Variants in ENOX1 observed in about 807,000 individuals in gnomAD.
ENOX1 encodes the protein ecto-NOX disulfide-thiol exchanger 1, also known as candidate growth-related and time keeping constitutive hydroquinone (NADH) oxidase.
In ENOX1, 42 loss-of-function variants were observed where a neutral mutation model predicts 82.5. That is an observed-to-expected ratio of 0.51 (90% CI 0.40 to 0.66). ENOX1 has a LOEUF of 0.66. ENOX1 is among the 30% of genes least tolerant of loss of function. The probability of loss-of-function intolerance (pLI) is 0.00; values close to 1 mark genes in which losing one functional copy is unlikely to be tolerated. For synonymous variants in ENOX1, 271 were observed against 282.2 expected (o/e 0.96, Z 0.40); for missense variants, 608 against 811.6 (o/e 0.75, Z 3.05).
intron 3 of ENOX1, among the ~76,000 whole-genome samples, chr13:43,424,649 G>C (rs2055178747): frequency 6.6e-6 from 1 of 152,214 alleles, no homozygotes; most frequent in Non-Finnish European, 1.5e-5. Flanking sequence ...GGGAGCGTTA[G>C]CAGAACACAC....
chr13:43,616,166 C>CTATAGATATATAGA lies in ENOX1; in HGVS notation c.-219+51312_-219+51313insTCTATATATCTATA, dbSNP rs1566641724. Among the ~76,000 whole-genome samples the CTATAGATATATAGA allele has an allele frequency of 7.6e-4, 7 of 9,260 alleles. 1 individual carries two copies. Among genetic ancestry groups the CTATAGATATATAGA allele is most frequent in the African/African-American group, 1.1e-3 (5 of 4,696 alleles). The allele number at this position is 9,260 out of a possible 152,430, so 6.1% of individuals were successfully genotyped here. A position where few individuals can be genotyped will look rare whatever the true frequency, so the allele number is the denominator to read the frequency against. Reference sequence around the variant, plus strand: ...GATATCTATATAGATAGATATCTATCTATCTATCTATCTATCTATCTATAT... The same window carrying CTATAGATATATAGA: ...GATATCTATATAGATAGATATCTATCTATAGATATATAGATATCTATCTATCTATCTATCTATAT... On this transcript the variant is annotated intron_variant, in intron 2 of 16. Coordinates refer to ENST00000690772, the MANE Select transcript of ENOX1 (RefSeq NM_001347969.2).
chr13:43,439,309 T>C (rs1024861768), intron 3 of ENOX1, among the ~76,000 whole-genome samples: 2 of 151,958 alleles, frequency 1.3e-5, no homozygotes, highest in East Asian at 3.9e-4. Flanking sequence ...CTTGGCTCAC[T>C]GCAACCTCTG....
chr13:43,333,981 A>C (rs1039773697), intron 9 of ENOX1, among the ~76,000 whole-genome samples: 5 of 152,236 alleles, frequency 3.3e-5, no homozygotes, highest in African/African-American at 9.6e-5. Flanking sequence ...ATGCTTGATG[A>C]TTTAAAACAG....
At chr13:43,259,695 T>TA in intron 14 of ENOX1, among the ~76,000 whole-genome samples, 1 of 152,138 alleles carries the variant, frequency 6.6e-6, no homozygotes, top group Admixed American at 6.5e-5. Context: ...AGGCTAGTCT[T>TA]AAACTCCTGA....
At chr13:43,581,886 TA>T (rs2080759314) in intron 2 of ENOX1, among the ~76,000 whole-genome samples, 2 of 152,232 alleles carry the variant, frequency 1.3e-5, no homozygotes, top group South Asian at 2.1e-4. Context: ...CAAGTAGATT[TA>T]AAAAAAGGAA....
chr13:43,300,741 T>C (rs2046525558), intron 11 of ENOX1, among the ~76,000 whole-genome samples: 2 of 151,986 alleles, frequency 1.3e-5, no homozygotes, highest in Admixed American at 6.5e-5. Context: ...CATGATGAAA[T>C]TGGGATTTAG....
intron 5 of ENOX1, among the ~76,000 whole-genome samples, chr13:43,402,502 C>T (rs1396913570): frequency 1.3e-5 from 2 of 152,204 alleles, no homozygotes; most frequent in African/African-American, 2.4e-5. Flanking sequence ...AGCTACAGTT[C>T]TTTCCCATAG....
chr13:43,571,894 C>T (rs752306003), intron 2 of ENOX1, among the ~76,000 whole-genome samples: 15 of 151,678 alleles, frequency 9.9e-5, no homozygotes, highest in African/African-American at 2.7e-4. Flanking sequence ...AGCGGTGGGG[C>T]GGTGGGGGTG....
At chr13:43,413,489 C>T (rs1210128079) in intron 3 of ENOX1, among the ~76,000 whole-genome samples, 1 of 151,808 alleles carries the variant, frequency 6.6e-6, no homozygotes, top group Non-Finnish European at 1.5e-5. Context: ...ATTCACCATG[C>T]AGCTGGAAAA....
chr13:43,502,094 C>T (rs908919193), intron 2 of ENOX1, among the ~76,000 whole-genome samples: 1 of 151,504 alleles, frequency 6.6e-6, no homozygotes, highest in African/African-American at 2.4e-5. Flanking sequence ...TTATATGTGA[C>T]AATATATACG....
intron 12 of ENOX1, among the ~76,000 whole-genome samples, chr13:43,275,145 A>G (rs182229729): frequency 2.0e-4 from 31 of 152,326 alleles, no homozygotes; most frequent in Admixed American, 3.9e-4. Flanking sequence ...AACGACTTCT[A>G]TCTAAACATT....
At chr13:43,554,577 G>A (rs2079351503) in intron 2 of ENOX1, among the ~76,000 whole-genome samples, 1 of 152,018 alleles carries the variant, frequency 6.6e-6, no homozygotes. Flanking sequence ...ACTCCAATCA[G>A]GTTTTGTTTT....
chr13:43,406,629 A>G (rs964887973), intron 5 of ENOX1, among the ~76,000 whole-genome samples: 2 of 151,468 alleles, frequency 1.3e-5, no homozygotes, highest in South Asian at 4.2e-4. Context: ...AGTAGCTGGG[A>G]CTACAGGTGC....
chr13:43,694,074 T>C (rs921798574), intron 1 of ENOX1, among the ~76,000 whole-genome samples: 2 of 152,186 alleles, frequency 1.3e-5, no homozygotes, highest in African/African-American at 4.8e-5. Flanking sequence ...CCCATGGATA[T>C]GCATAATCAA....
chr13:43,616,204 A>ATATATTTTT (rs1457149422), intron 2 of ENOX1, among the ~76,000 whole-genome samples: 15 of 15,302 alleles, frequency 9.8e-4, no homozygotes, highest in South Asian at 5.7e-3. Flanking sequence ...ATATATATAT[A>ATATATTTTT]TTTTTTTTTT....
intron 2 of ENOX1, among the ~76,000 whole-genome samples, chr13:43,605,439 T>C (rs894685912): frequency 2.6e-5 from 4 of 152,138 alleles, no homozygotes; most frequent in South Asian, 2.1e-4. Flanking sequence ...CCAAACAGCA[T>C]GGTACTGGTA....
intron 2 of ENOX1, among the ~76,000 whole-genome samples, chr13:43,534,457 T>A (rs1375209424): frequency 2.0e-5 from 3 of 151,782 alleles, no homozygotes; most frequent in African/African-American, 4.8e-5. Flanking sequence ...CTCACTCCTA[T>A]GAAAAAAGGA....
intron 12 of ENOX1, 132 bp downstream of exon 12, chr13:43,298,214 G>A: frequency 1.1e-6 from 1 of 931,718 alleles, no homozygotes; most frequent in Non-Finnish European, 1.5e-6. Flanking sequence ...GCACTTTTCT[G>A]TCCTAGTAAC....
chr13:43,486,887 T>C (rs2076442578), intron 2 of ENOX1, among the ~76,000 whole-genome samples: 1 of 152,200 alleles, frequency 6.6e-6, no homozygotes, highest in Admixed American at 6.5e-5. Context: ...AGTTAGGAAA[T>C]GTTGGCGGGA....
Sources: allele counts gnomAD v4.1 joint callset (sites outside exome capture counted in the v4.1 genomes callset), GRCh38; gene constraint gnomAD v4.1.1; transcripts MANE v1.5; gene names NCBI Gene and HGNC (gene_info 2026-07-23, HGNC 2026-07-21).